AGPAT2: variants seen among roughly 807,000 people sequenced by gnomAD.
AGPAT2 encodes the protein 1-acyl-sn-glycerol-3-phosphate acyltransferase beta.
A neutral mutation model predicts 26.1 loss-of-function variants in AGPAT2; 18 were observed. The observed-to-expected ratio is 0.69, with a 90% confidence interval of 0.48 to 1.02. AGPAT2 has a LOEUF of 1.02. Among genes scored for constraint, AGPAT2 ranks in the 50% least tolerant of loss-of-function variants. The pLI, the probability that AGPAT2 is intolerant of heterozygous loss-of-function variation, is 0.00. For missense variants in AGPAT2, 415 were observed against 394.9 expected, an observed-to-expected ratio of 1.05 and a Z score of -0.43; for synonymous variants, 200 against 174.2, an observed-to-expected ratio of 1.15 and a Z score of -1.16.
At chr9:136,683,013 C>T (rs977342094) in intron 1 of AGPAT2, among the ~76,000 whole-genome samples, 29 of 128,988 alleles carry the variant, frequency 2.2e-4, no homozygotes, top group Non-Finnish European at 3.9e-4. Flanking sequence ...GGGGCACCAT[C>T]GGGCCAGGGC....
rs757623351 is a variant in AGPAT2 at position 136,673,910 on chromosome 9, C to T, written c.679G>A (p.Val227Met). The part of the protein sequence containing the change: ...FFTSGTVTVQ[V>M]LEAIPTSGLT... ...CCGCTGGTGGGGATGGCTTCCAGCA[C>T]CTGCACTGTGACTGTTCCTGTGGGG... The change falls in exon 6 of 6, where the codon GTG becomes ATG. Residue 227 changes from valine (V) to methionine (M), a missense_variant. By Grantham distance (21) the Val-to-Met change is conservative. Coordinates refer to ENST00000371696, the MANE Select transcript of AGPAT2 (RefSeq NM_006412.4). 11 of 1,586,094 alleles carry T rather than the reference C, an allele frequency of 6.9e-6. No individual in the cohort carries two copies. The highest frequency in any genetic ancestry group is 1.2e-5 in the South Asian group (1 of 86,838).
At chr9:136,676,366 T>C (rs964998189) in intron 4 of AGPAT2, among the ~76,000 whole-genome samples, 12 of 152,194 alleles carry the variant, frequency 7.9e-5, no homozygotes, top group Non-Finnish European at 1.5e-5. Flanking sequence ...CTGGTCACTC[T>C]GGGCTCTGTG....
At chr9:136,679,881 A>C (rs1025789974) in intron 1 of AGPAT2, among the ~76,000 whole-genome samples, 8 of 152,104 alleles carry the variant, frequency 5.3e-5, no homozygotes, top group African/African-American at 1.9e-4. Context: ...GCCCTGAGGA[A>C]ACCTGGCCCC....
chr9:136,684,436 A>G (rs569994404), intron 1 of AGPAT2, among the ~76,000 whole-genome samples: 1 of 152,344 alleles, frequency 6.6e-6, no homozygotes, highest in African/African-American at 2.4e-5. Flanking sequence ...CCGTGGTCTC[A>G]GCCCCAAGCC....
intron 1 of AGPAT2, among the ~76,000 whole-genome samples, chr9:136,686,838 G>C (rs557073796): frequency 1.9e-4 from 29 of 152,370 alleles, no homozygotes; most frequent in African/African-American, 6.5e-4. Flanking sequence ...CTCCCAGCGC[G>C]GACCGGCCCC....
chr9:136,681,367 G>A (rs910845676), intron 1 of AGPAT2, among the ~76,000 whole-genome samples: 10 of 152,296 alleles, frequency 6.6e-5, no homozygotes, highest in African/African-American at 2.4e-4. Flanking sequence ...CCCTGGGGGT[G>A]GAAGAAAGTT....
chr9:136,677,995 G>A (rs530515064), intron 1 of AGPAT2, among the ~76,000 whole-genome samples: 1 of 152,348 alleles, frequency 6.6e-6, no homozygotes, highest in African/African-American at 2.4e-5. Flanking sequence ...ACACCCTGGG[G>A]AAGGTCACTG....
At chr9:136,674,204 C>G (rs961353979) in intron 5 of AGPAT2, among the ~76,000 whole-genome samples, 5 of 152,256 alleles carry the variant, frequency 3.3e-5, no homozygotes, top group African/African-American at 9.6e-5. Flanking sequence ...TGATCAGCCC[C>G]TACCTCACTG....
At chr9:136,679,822 G>A (rs1435152877) in intron 1 of AGPAT2, among the ~76,000 whole-genome samples, 2 of 152,184 alleles carry the variant, frequency 1.3e-5, no homozygotes, top group Non-Finnish European at 1.5e-5. Context: ...GTGAGGAGTC[G>A]CACAGACAAG....
chr9:136,678,349 AG>A (rs1846119594), intron 1 of AGPAT2, among the ~76,000 whole-genome samples: 1 of 152,210 alleles, frequency 6.6e-6, no homozygotes, highest in Non-Finnish European at 1.5e-5. Flanking sequence ...GGTTGGGACC[AG>A]GGATGTCCAA....
intron 4 of AGPAT2, among the ~76,000 whole-genome samples, chr9:136,676,138 A>G (rs982429886): frequency 6.6e-6 from 1 of 152,180 alleles, no homozygotes; most frequent in Non-Finnish European, 1.5e-5. Context: ...GCTGCTTACA[A>G]TGAGCTCCAC....
chr9:136,676,539 G>T, intron 4 of AGPAT2, 46 bp downstream of exon 4: 4 of 1,521,302 alleles, frequency 2.6e-6, no homozygotes, highest in Non-Finnish European at 3.6e-6. Context: ...GCCTGACCCC[G>T]CCTCCCCAGC....
chr9:136,676,089 CCTGGAGG>C (rs1385459606), intron 4 of AGPAT2, among the ~76,000 whole-genome samples: 1 of 152,200 alleles, frequency 6.6e-6, no homozygotes, highest in Admixed American at 6.5e-5. Context: ...GCACTGCACC[CCTGGAGG>C]CTGGGGACCA....
At chr9:136,679,911 A>G (rs1435039344) in intron 1 of AGPAT2, among the ~76,000 whole-genome samples, 1 of 152,240 alleles carries the variant, frequency 6.6e-6, no homozygotes, top group East Asian at 1.9e-4. Context: ...AGAATCTTCC[A>G]GGAATTCGCC....
chr9:136,677,615 G>A (rs113509676), intron 1 of AGPAT2, 59 bp from the exon 2 acceptor site: 19 of 1,606,912 alleles, frequency 1.2e-5, no homozygotes, highest in Admixed American at 5.0e-5. Flanking sequence ...AGGCTGGGGC[G>A]CGAAGGCCTG....
At chr9:136,684,636 G>A (rs184355274) in intron 1 of AGPAT2, among the ~76,000 whole-genome samples, 113 of 152,284 alleles carry the variant, frequency 7.4e-4, no homozygotes, top group African/African-American at 2.5e-3. Flanking sequence ...CAGGCCTGCC[G>A]CAGGGCTGCC....
intron 1 of AGPAT2, among the ~76,000 whole-genome samples, chr9:136,683,722 C>G (rs1297384962): frequency 6.6e-6 from 1 of 152,188 alleles, no homozygotes; most frequent in Admixed American, 6.5e-5. Context: ...CCCTCCCATC[C>G]CTCAGTCAGG....
intron 4 of AGPAT2, among the ~76,000 whole-genome samples, chr9:136,675,924 T>G (rs1349736268): frequency 6.6e-6 from 1 of 152,004 alleles, no homozygotes; most frequent in East Asian, 1.9e-4. Flanking sequence ...GTGGCCAGTG[T>G]GAGGGAAGGA....
At chr9:136,682,444 G>A (rs975662360) in intron 1 of AGPAT2, among the ~76,000 whole-genome samples, 8 of 152,334 alleles carry the variant, frequency 5.3e-5, no homozygotes, top group Non-Finnish European at 1.0e-4. Context: ...TGGGGCAGGT[G>A]TCGCTGTGCC....
Sources: allele counts gnomAD v4.1 joint callset (sites outside exome capture counted in the v4.1 genomes callset), GRCh38; gene constraint gnomAD v4.1.1; transcripts MANE v1.5; gene names NCBI Gene and HGNC (gene_info 2026-07-23, HGNC 2026-07-21).